SLC3A1: variants seen among roughly 807,000 people sequenced by gnomAD.
The protein encoded by SLC3A1 is amino acid transporter heavy chain SLC3A1.
In SLC3A1, 78 loss-of-function variants were observed where a neutral mutation model predicts 60.3. That is an observed-to-expected ratio of 1.29 (90% CI 1.08 to 1.56). The LOEUF is 1.56. Among genes scored for constraint, SLC3A1 ranks in the 40% most tolerant of loss-of-function variants. SLC3A1 has a pLI of 0.00. For missense variants in SLC3A1, 1,172 were observed against 858.9 expected, an observed-to-expected ratio of 1.36 and a Z score of -4.56; for synonymous variants, 392 against 307.9, an observed-to-expected ratio of 1.27 and a Z score of -2.86.
At chr2:44,280,293 C>T (rs1325707209) in intron 1 of SLC3A1, among the ~76,000 whole-genome samples, 1 of 151,810 alleles carries the variant, frequency 6.6e-6, no homozygotes, top group Non-Finnish European at 1.5e-5. Context: ...GGCTAGAGTA[C>T]AGTGGTGTGA....
At chr2:44,317,993 T>TAAAC (rs1572823541) in intron 9 of SLC3A1, 1 of 340,488 alleles carries the variant, frequency 2.9e-6, no homozygotes, top group Non-Finnish European at 5.8e-6. Context: ...GCTATAGCTA[T>TAAAC]AAACACAAAA....
intron 7 of SLC3A1, 116 bp from the exon 8 acceptor site, chr2:44,312,470 G>A: frequency 1.8e-6 from 2 of 1,093,914 alleles, no homozygotes; most frequent in Middle Eastern, 2.0e-4. Flanking sequence ...AGGCTTGCTA[G>A]TACCAAGGTA....
chr2:44,317,233 C>G (rs1472249027), intron 9 of SLC3A1, among the ~76,000 whole-genome samples: 2 of 152,144 alleles, frequency 1.3e-5, no homozygotes, highest in East Asian at 1.9e-4. Flanking sequence ...GAGGCCAAGA[C>G]TGGAGGATCA....
At chr2:44,287,609 T>C (rs1037071505) in intron 4 of SLC3A1, among the ~76,000 whole-genome samples, 4 of 152,342 alleles carry the variant, frequency 2.6e-5, no homozygotes, top group South Asian at 2.1e-4. Context: ...CCTACCAGTA[T>C]GCTGGAGTGA....
At chr2:44,289,499 C>T (rs938037098) in intron 4 of SLC3A1, among the ~76,000 whole-genome samples, 3 of 152,140 alleles carry the variant, frequency 2.0e-5, no homozygotes, top group Non-Finnish European at 2.9e-5. Context: ...GCATGAGCCA[C>T]CACACCTGGC....
At chr2:44,304,465 G>A (rs1672101484) in intron 7 of SLC3A1, 127 bp downstream of exon 7, 2 of 778,860 alleles carry the variant, frequency 2.6e-6, no homozygotes, top group African/African-American at 3.4e-5. Context: ...TGATTGTTCA[G>A]TGGTCAGGCC....
chr2:44,303,846 T>C lies in SLC3A1; in HGVS notation c.1137-297T>C, dbSNP rs138647103. The C allele has an allele frequency of 1.2e-3, 665 of 550,128 alleles. 3 individuals carry two copies. Among genetic ancestry groups the C allele is most frequent in the Middle Eastern group, 2.4e-3 (5 of 2,042 alleles). The allele number at this position is 550,128 out of a possible 1,614,324, so 34.1% of individuals were successfully genotyped here. A position where few individuals can be genotyped will look rare whatever the true frequency, so the allele number is the denominator to read the frequency against. ...ACATGCGGTGTTTGGTTTTCTGTCC[T>C]TGTGATAGTTTGCTTAGAATGATGG... On this transcript the variant is annotated intron_variant, in intron 6 of 9. Coordinates refer to ENST00000260649, the MANE Select transcript of SLC3A1 (RefSeq NM_000341.4).
At position 44,317,422 on chromosome 2, in the gene SLC3A1, A is replaced by T. The variant is rs868071259; in HGVS notation, c.1618-2777A>T. 3.3e-5 allele frequency among the ~76,000 whole-genome samples: 5 copies of T among 150,662 alleles called. No homozygotes were observed. The South Asian group carries it at 1.1e-3, about 32-fold the overall frequency. ...GGCTGCAGTGAGCCATGATCATGCCACTGCACTCCAGCTTGGGCAACAGAG... is the reference window on the plus strand; with the variant it reads ...GGCTGCAGTGAGCCATGATCATGCCTCTGCACTCCAGCTTGGGCAACAGAG... On this transcript the variant is annotated intron_variant, in intron 9 of 9. Transcript: ENST00000260649.
intron 9 of SLC3A1, chr2:44,315,044 AC>A (rs1325923066): frequency 7.2e-6 from 1 of 139,400 alleles, no homozygotes; most frequent in African/African-American, 2.7e-5. Context: ...CGATTCTCCT[AC>A]CTTGGCCTCC....
chr2:44,314,305 G>A, intron 9 of SLC3A1: 1 of 522,150 alleles, frequency 1.9e-6, no homozygotes. Context: ...GAGGCGAGTG[G>A]ATAGGCAGCC....
chr2:44,279,719 T>C (rs928254748), intron 1 of SLC3A1, among the ~76,000 whole-genome samples: 5 of 152,186 alleles, frequency 3.3e-5, no homozygotes, highest in Admixed American at 6.5e-5. Flanking sequence ...TAAAAATATA[T>C]ACATATTGTT....
At chr2:44,306,765 C>A (rs1040933405) in intron 7 of SLC3A1, among the ~76,000 whole-genome samples, 1 of 151,940 alleles carries the variant, frequency 6.6e-6, no homozygotes, top group East Asian at 1.9e-4. Flanking sequence ...TCATGTTGGC[C>A]AGGCTGGTCT....
At chr2:44,285,764 T>C in intron 3 of SLC3A1, 1 of 618,908 alleles carries the variant, frequency 1.6e-6, no homozygotes, top group South Asian at 1.5e-5. Context: ...TAAGTTGACC[T>C]TGTCTTGGGT....
chr2:44,307,391 C>T (rs1322231477), intron 7 of SLC3A1, among the ~76,000 whole-genome samples: 1 of 152,158 alleles, frequency 6.6e-6, no homozygotes, highest in African/African-American at 2.4e-5. Flanking sequence ...GGTAAGTCTA[C>T]ATTTAACTAT....
intron 6 of SLC3A1, chr2:44,303,685 C>T: frequency 3.9e-6 from 1 of 255,906 alleles, no homozygotes; most frequent in East Asian, 8.8e-5. Context: ...CACCCATCAA[C>T]TTGTCATTTA....
intron 6 of SLC3A1, chr2:44,301,410 A>G (rs930079702): frequency 2.3e-5 from 14 of 599,252 alleles, no homozygotes; most frequent in Non-Finnish European, 3.8e-5. Context: ...TATATTAGCT[A>G]AATGTTAGCC....
intron 1 of SLC3A1, among the ~76,000 whole-genome samples, chr2:44,277,441 G>A (rs1433109602): frequency 6.6e-6 from 1 of 152,056 alleles, no homozygotes; most frequent in East Asian, 1.9e-4. Flanking sequence ...ATCCTGCATT[G>A]TCACTCATTG....
chr2:44,320,104 T>A, intron 9 of SLC3A1, 95 bp from the exon 10 acceptor site: 2 of 1,094,172 alleles, frequency 1.8e-6, no homozygotes, highest in Non-Finnish European at 2.6e-6. Context: ...TTGGAGCAAG[T>A]GTTTTGGGTA....
In SLC3A1 at chr2:44,312,682, A is replaced by C; in HGVS notation, c.1429A>C (p.Ile477Leu). The C allele has an allele frequency of 6.2e-7, 1 of 1,613,364 alleles. No homozygotes were observed. ...MLLFTLPGTP[I>L]TYYGEEIGMG... ...TCTTTTCACACTCCCTGGAACTCCT[A>C]TAACTTACTATGGAGAAGAAATTGG... is the stretch of plus-strand genomic sequence containing the variant. The change falls in exon 8 of 10, where the codon ATA becomes CTA. Residue 477 changes from isoleucine to leucine, a missense_variant. Coordinates refer to ENST00000260649, the MANE Select transcript of SLC3A1 (RefSeq NM_000341.4).
Sources: allele counts gnomAD v4.1 joint callset (sites outside exome capture counted in the v4.1 genomes callset), GRCh38; gene constraint gnomAD v4.1.1; transcripts MANE v1.5; gene names NCBI Gene and HGNC (gene_info 2026-07-23, HGNC 2026-07-21).